Variants in SLC12A8 observed in about 807,000 individuals in gnomAD.
The protein encoded by SLC12A8 is cation-chloride cotransporter 9.
A neutral mutation model predicts 75.6 loss-of-function variants in SLC12A8; 69 were observed. That is an observed-to-expected ratio of 0.91 (90% CI 0.75 to 1.11). The LOEUF (loss-of-function observed/expected upper bound fraction) is 1.11. Ranked by LOEUF, SLC12A8 falls within the 50% of genes most tolerant of loss-of-function variation. The pLI, the probability that SLC12A8 is intolerant of heterozygous loss-of-function variation, is 0.00. For synonymous variants in SLC12A8, 365 were observed against 372.8 expected, an observed-to-expected ratio of 0.98 and a Z score of 0.24; for missense variants, 877 against 896.7, an observed-to-expected ratio of 0.98 and a Z score of 0.28.
chr3:125,141,962 G>C lies in SLC12A8; in HGVS notation c.623-6180C>G, dbSNP rs547467526. 1.4e-3 allele frequency among the ~76,000 whole-genome samples: 217 copies of C among 152,182 alleles called. 2 individuals carry two copies. Among genetic ancestry groups the C allele is most frequent in the African/African-American group, 4.7e-3 (197 of 41,534 alleles). ...GGAAGGGACCCGCACGACGACGCCC[G>C]AAGGGCGTCGGGGGAAGTGGTAGGC... On this transcript the variant is annotated intron_variant, in intron 5 of 13. Transcript: ENST00000469902.
At chr3:125,091,579 G>A (rs1296193602) in intron 11 of SLC12A8, 23 bp from the exon 12 acceptor site, 1 of 1,512,248 alleles carries the variant, frequency 6.6e-7, no homozygotes, top group South Asian at 1.1e-5. Flanking sequence ...AGTAGGAAGA[G>A]CAAATCACCT....
intron 2 of SLC12A8, among the ~76,000 whole-genome samples, chr3:125,207,619 A>G (rs545312192): frequency 6.6e-6 from 1 of 152,182 alleles, no homozygotes; most frequent in Non-Finnish European, 1.5e-5. Flanking sequence ...AGGACTTCAG[A>G]CCTCCACACA....
At chr3:125,141,418 G>C (rs771360979) in intron 5 of SLC12A8, among the ~76,000 whole-genome samples, 64 of 152,196 alleles carry the variant, frequency 4.2e-4, no homozygotes, top group Admixed American at 3.3e-4. Flanking sequence ...GGGGTCACTA[G>C]TGGGACTGAG....
chr3:125,152,891 G>A (rs1430209869), intron 5 of SLC12A8, among the ~76,000 whole-genome samples: 1 of 152,106 alleles, frequency 6.6e-6, no homozygotes, highest in African/African-American at 2.4e-5. Flanking sequence ...ATTCTCCGCT[G>A]TATCCCAAAG....
chr3:125,208,824 A>AGAGAGAGAGAGAGAGAGAGAGC (rs144988140), intron 2 of SLC12A8, among the ~76,000 whole-genome samples: 1 of 127,480 alleles, frequency 7.8e-6, no homozygotes, highest in African/African-American at 3.2e-5. Context: ...AGAGAGAGAG[A>AGAGAGAGAGAGAGAGAGAGAGC]GCTACCCTAT....
chr3:125,089,881 C>T (rs1387024718), intron 12 of SLC12A8, among the ~76,000 whole-genome samples: 1 of 151,122 alleles, frequency 6.6e-6, no homozygotes, highest in Admixed American at 6.6e-5. Flanking sequence ...CTAACGTAAG[C>T]ATTTGATGCT....
intron 5 of SLC12A8, among the ~76,000 whole-genome samples, chr3:125,140,517 T>C (rs1235104983): frequency 6.6e-6 from 1 of 152,030 alleles, no homozygotes; most frequent in Non-Finnish European, 1.5e-5. Context: ...CCCATTTGTG[T>C]AGGGCAGACA....
At chr3:125,136,007 A>C (rs748581774) in intron 5 of SLC12A8, among the ~76,000 whole-genome samples, 22 of 152,228 alleles carry the variant, frequency 1.4e-4, no homozygotes, top group Non-Finnish European at 2.6e-4. Flanking sequence ...CATAACATGA[A>C]AGGAAGCAGT....
chr3:125,194,285 C>G (rs1934964164), intron 2 of SLC12A8, among the ~76,000 whole-genome samples: 2 of 152,226 alleles, frequency 1.3e-5, no homozygotes, highest in Admixed American at 6.5e-5. Flanking sequence ...CCTTCCCAAG[C>G]CCCCAGGACA....
At chr3:125,145,665 A>G (rs1465228896) in intron 5 of SLC12A8, among the ~76,000 whole-genome samples, 1 of 138,092 alleles carries the variant, frequency 7.2e-6, no homozygotes, top group Non-Finnish European at 1.7e-5. Flanking sequence ...CCCTATATAT[A>G]CTATGTTTTT....
At chr3:125,128,038 T>G (rs551427213) in intron 6 of SLC12A8, among the ~76,000 whole-genome samples, 1 of 151,492 alleles carries the variant, frequency 6.6e-6, no homozygotes, top group South Asian at 2.1e-4. Context: ...CATGCTTGGC[T>G]AATTTTTGTA....
At chr3:125,177,257 T>C (rs1380255153) in intron 5 of SLC12A8, among the ~76,000 whole-genome samples, 1 of 136,734 alleles carries the variant, frequency 7.3e-6, no homozygotes, top group Non-Finnish European at 1.5e-5. Context: ...TTCTCACTCA[T>C]AGGTGGGAAT....
At chr3:125,176,801 C>T (rs1279206711) in intron 5 of SLC12A8, among the ~76,000 whole-genome samples, 3 of 144,238 alleles carry the variant, frequency 2.1e-5, no homozygotes, top group Admixed American at 6.9e-5. Flanking sequence ...GTTAGAATGG[C>T]AATCATTAAA....
chr3:125,186,663 C>T (rs1048589834), intron 4 of SLC12A8, among the ~76,000 whole-genome samples: 27 of 152,374 alleles, frequency 1.8e-4, no homozygotes, highest in African/African-American at 5.0e-4. Flanking sequence ...TCCCCCTACT[C>T]GCTCGTTTTC....
chr3:125,130,400 T>C (rs1334500941), intron 6 of SLC12A8, among the ~76,000 whole-genome samples: 1 of 151,932 alleles, frequency 6.6e-6, no homozygotes, highest in East Asian at 1.9e-4. Flanking sequence ...GAGACCACCC[T>C]GGACAACATG....
chr3:125,136,834 A>T (rs1362776946), intron 5 of SLC12A8, among the ~76,000 whole-genome samples: 1 of 152,206 alleles, frequency 6.6e-6, no homozygotes, highest in Non-Finnish European at 1.5e-5. Flanking sequence ...TTTGAACAGC[A>T]TCTGTGAACA....
intron 10 of SLC12A8, among the ~76,000 whole-genome samples, chr3:125,098,693 A>C (rs987871679): frequency 1.3e-5 from 2 of 152,178 alleles, no homozygotes; most frequent in Non-Finnish European, 2.9e-5. Flanking sequence ...TTTTTCAAAA[A>C]TTTCTAAAGC....
At position 125,110,212 on chromosome 3, in the gene SLC12A8, C is replaced by T. The variant is rs1305947464; in HGVS notation, c.1036G>A (p.Ala346Thr). 6.2e-7 allele frequency: 1 copy of T among 1,613,744 alleles called. No homozygotes were observed. Among genetic ancestry groups the T allele is most frequent in the South Asian group, 1.1e-5 (1 of 91,040 alleles). Residue 346 changes from alanine to threonine, a missense_variant, in exon 9 of 14, where the codon GCA becomes ACA. Coordinates refer to ENST00000469902, the MANE Select transcript of SLC12A8 (RefSeq NM_024628.6). ...ACCCCTTGTCCCAGACAGGCAAGTG[C>T]AGGGATCACTTTCTCCTGGGCAATG... ...QCIAQEKVIPALACLGQGKGP... is the reference protein window; with the variant it reads ...QCIAQEKVIPTLACLGQGKGP...
At chr3:125,151,676 A>T (rs543998436) in intron 5 of SLC12A8, 18 of 152,392 alleles carry the variant, frequency 1.2e-4, no homozygotes, top group African/African-American at 4.1e-4. Context: ...CCCAGGGAGG[A>T]TGACCACGAT....
Sources: gnomAD v4.1 joint callset for allele counts (sites outside exome capture counted in the v4.1 genomes callset) on GRCh38, gnomAD v4.1.1 for gene constraint, MANE v1.5 for transcripts, NCBI Gene and HGNC (gene_info 2026-07-23, HGNC 2026-07-21) for gene names.